The following FAM86B2 variants were observed in gnomAD, a reference collection of about 807,000 sequenced individuals.
FAM86B2 encodes the protein family with sequence similarity 86 member B2.
In FAM86B2, 1 loss-of-function variant was observed where a neutral mutation model predicts 26.5. The ratio of observed to expected loss-of-function variants is 0.04; its 90% CI spans 0.01 to 0.18. The LOEUF (loss-of-function observed/expected upper bound fraction) is 0.18. FAM86B2 is among the 10% of genes least tolerant of loss of function. FAM86B2 has a pLI of 1.00. For missense variants in FAM86B2, 43 were observed against 303.5 expected (o/e 0.14, Z 6.38); for synonymous variants, 11 against 127.8 (o/e 0.09, Z 6.17).
chr8:12,432,876 T>C (rs1374906577), intron 2 of FAM86B2, among the ~76,000 whole-genome samples: 1 of 151,272 alleles, frequency 6.6e-6, no homozygotes, highest in Non-Finnish European at 1.5e-5. Flanking sequence ...TCATTTGTTC[T>C]GACCCAGAGT....
intron 6 of FAM86B2, among the ~76,000 whole-genome samples, chr8:12,428,327 C>T (rs1418861014): frequency 4.0e-5 from 6 of 150,636 alleles, no homozygotes; most frequent in Non-Finnish European, 5.9e-5. Context: ...GCCCTGACCT[C>T]GTACCAGAAG....
At chr8:12,434,642 CT>C (rs1798500869) in intron 1 of FAM86B2, among the ~76,000 whole-genome samples, 2 of 137,430 alleles carry the variant, frequency 1.5e-5, no homozygotes, top group African/African-American at 5.6e-5. Flanking sequence ...GCTAATCCCC[CT>C]CTCTGGCCTG....
At chr8:12,435,019 CCT>C (rs1798546939) in intron 1 of FAM86B2, among the ~76,000 whole-genome samples, 1 of 150,162 alleles carries the variant, frequency 6.7e-6, no homozygotes, top group Non-Finnish European at 1.5e-5. Flanking sequence ...ATCCATGGTG[CCT>C]GGCTCACGGA....
At position 12,424,709 on chromosome 8, in the gene FAM86B2, G is replaced by A. The variant is rs1220726826; in HGVS notation, c.*1180C>T. Reference sequence around the variant, plus strand: ...CAGAAAGCATGATGTCAAGTTGGAGGTGGAGCGCTGCTGGGTTGTGAAGGG... The same window carrying A: ...CAGAAAGCATGATGTCAAGTTGGAGATGGAGCGCTGCTGGGTTGTGAAGGG... On this transcript the variant is annotated 3_prime_UTR_variant, in exon 8 of 8. Coordinates refer to ENST00000262365, the MANE Select transcript of FAM86B2 (RefSeq NM_001137610.3). 7.8e-6 allele frequency among the ~76,000 whole-genome samples: 1 copy of A among 127,726 alleles called. No individual in the cohort carries two copies. Among genetic ancestry groups the A allele is most frequent in the South Asian group, 3.1e-4 (1 of 3,198 alleles). 83.8% of individuals were successfully genotyped at this position (127,726 alleles called of 152,430 possible). A position where few individuals can be genotyped will look rare whatever the true frequency, so the allele number is the denominator to read the frequency against.
At chr8:12,426,488 T>C in intron 7 of FAM86B2, among the ~76,000 whole-genome samples, 1 of 64,074 alleles carries the variant, frequency 1.6e-5, no homozygotes, top group African/African-American at 5.3e-5. Context: ...TTTTTTTTTT[T>C]TTTTTTGCTT....
Position 12,424,802 on chromosome 8 carries a change from G to A in FAM86B2, c.*1087C>T. On this transcript the variant is annotated 3_prime_UTR_variant, in exon 8 of 8. Coordinates refer to ENST00000262365, the MANE Select transcript of FAM86B2 (RefSeq NM_001137610.3). ...TTGTTGGGTCGGGGACCTGGGGTCA[G>A]CCAAGTGGTGACCTGGGATGGGGTG... 1 of 374,514 alleles carries A rather than the reference G, an allele frequency of 2.7e-6. No individual in the cohort carries two copies. The allele number at this position is 374,514 out of a possible 1,614,324, so 23.2% of individuals were successfully genotyped here. A position where few individuals can be genotyped will look rare whatever the true frequency, so the allele number is the denominator to read the frequency against.
At chr8:12,428,438 C>G (rs3988736) in intron 6 of FAM86B2, among the ~76,000 whole-genome samples, 195 bp downstream of exon 6, 14,855 of 134,516 alleles carry the variant, frequency 0.11, 224 homozygotes, top group African/African-American at 0.32. Flanking sequence ...TCTCCAACAA[C>G]AGGGCTGTGG....
At chr8:12,427,090 TG>T (rs1812691777) in intron 7 of FAM86B2, among the ~76,000 whole-genome samples, 1 of 21,830 alleles carries the variant, frequency 4.6e-5, no homozygotes, top group African/African-American at 1.3e-4. Flanking sequence ...GGGGGTCACT[TG>T]GCCTCTGTGT....
At chr8:12,434,777 A>C in intron 1 of FAM86B2, among the ~76,000 whole-genome samples, 1 of 145,396 alleles carries the variant, frequency 6.9e-6, no homozygotes, top group Non-Finnish European at 1.5e-5. Context: ...TGTTCCCCAA[A>C]CCCTTCCCAT....
At chr8:12,436,062 G>C (rs569787570) in intron 1 of FAM86B2, 186 bp downstream of exon 1, 2 of 646,598 alleles carry the variant, frequency 3.1e-6, no homozygotes, top group African/African-American at 3.7e-5. Flanking sequence ...CAGCTCGCGG[G>C]GCAGAAGGGG....
intron 3 of FAM86B2, among the ~76,000 whole-genome samples, chr8:12,431,529 AAAATATAT>A (rs1276760499): frequency 1.3e-5 from 1 of 74,454 alleles, no homozygotes; most frequent in African/African-American, 7.1e-5. Context: ...TGTCTCAAAA[AAAATATAT>A]AAATAAATAA....
At chr8:12,427,466 GTCC>G (rs1312914331) in intron 7 of FAM86B2, 188 bp downstream of exon 7, 25 of 399,636 alleles carry the variant, frequency 6.3e-5, no homozygotes, top group African/African-American at 2.8e-4. Context: ...GTGCTGAGGT[GTCC>G]TCCTCCTGCC....
In FAM86B2 at chr8:12,436,275, C is replaced by T. The variant is rs1798690494; in HGVS notation, c.69G>A (p.Val23=). ...LQGFERRFLA[V]RTLRSFPWQS... Reference sequence around the variant, plus strand: ...GCCAGGGGAAGGAGCGCAGTGTGCGCACCGCCAGGAAGCGGCGCTCAAAAC... The same window carrying T: ...GCCAGGGGAAGGAGCGCAGTGTGCGTACCGCCAGGAAGCGGCGCTCAAAAC... The change falls in exon 1 of 8, where the codon GTG becomes GTA. Residue 23 remains valine (V), a synonymous_variant. Transcript: ENST00000262365. 1.5e-6 allele frequency: 2 copies of T among 1,363,070 alleles called. No individual in the cohort carries two copies. Among genetic ancestry groups the T allele is most frequent in the African/African-American group, 2.9e-5 (2 of 69,026 alleles). The allele number at this position is 1,363,070 out of a possible 1,614,324, so 84.4% of individuals were successfully genotyped here. A position where few individuals can be genotyped will look rare whatever the true frequency, so the allele number is the denominator to read the frequency against.
chr8:12,435,054 G>A (rs1471094908), intron 1 of FAM86B2, among the ~76,000 whole-genome samples: 1 of 137,148 alleles, frequency 7.3e-6, no homozygotes, highest in Non-Finnish European at 1.6e-5. Context: ...AACATTTTGA[G>A]ACTGAAGAAA....
chr8:12,436,386 A>T lies in FAM86B2; in HGVS notation c.-43T>A, dbSNP rs1798711287. The T allele has an allele frequency of 7.3e-7, 1 of 1,378,364 alleles. No individual in the cohort carries two copies. Among genetic ancestry groups the T allele is most frequent in the Non-Finnish European group, 9.9e-7 (1 of 1,012,850 alleles). 85.4% of individuals were successfully genotyped at this position (1,378,364 alleles called of 1,614,324 possible). On this transcript the variant is annotated 5_prime_UTR_variant, in exon 1 of 8. Transcript: ENST00000262365. The stretch of plus-strand genomic sequence containing the variant: ...AGCCGTTGCCGGGAGACCTGGAGGA[A>T]GCCGGGCCTGGACTGAAGAGGGGGC...
intron 3 of FAM86B2, among the ~76,000 whole-genome samples, chr8:12,430,768 G>C (rs200653891): frequency 0.11 from 4,549 of 40,400 alleles, 649 homozygotes; most frequent in African/African-American, 0.14. Flanking sequence ...AAGAGGTGTT[G>C]AGAGGGTAGG....
At chr8:12,426,330 C>T (rs1161593886) in intron 7 of FAM86B2, among the ~76,000 whole-genome samples, 1 of 144,426 alleles carries the variant, frequency 6.9e-6, no homozygotes, top group Non-Finnish European at 1.5e-5. Flanking sequence ...TAGAAAGTGG[C>T]CGGGCACAGC....
At chr8:12,426,339 G>A (rs1812634323) in intron 7 of FAM86B2, among the ~76,000 whole-genome samples, 1 of 143,420 alleles carries the variant, frequency 7.0e-6, no homozygotes, top group Non-Finnish European at 1.5e-5. Flanking sequence ...GCCGGGCACA[G>A]CCAGACTCTG....
intron 4 of FAM86B2, among the ~76,000 whole-genome samples, chr8:12,429,467 C>A (rs1813202023): frequency 1.2e-5 from 1 of 81,558 alleles, no homozygotes; most frequent in African/African-American, 4.4e-5. Context: ...TTGTGGTTTT[C>A]TGTATCTATG....
Sources: allele counts gnomAD v4.1 joint callset (sites outside exome capture counted in the v4.1 genomes callset), GRCh38; gene constraint gnomAD v4.1.1; transcripts MANE v1.5; gene names NCBI Gene and HGNC (gene_info 2026-07-23, HGNC 2026-07-21).